Variants in MAP3K15 observed in about 807,000 individuals in gnomAD.
The protein encoded by MAP3K15 is MAPK/ERK kinase kinase 15.
Under a neutral mutation model 99.5 loss-of-function variants are expected in MAP3K15, and 124 were observed. The ratio of observed to expected loss-of-function variants is 1.25; its 90% CI spans 1.08 to 1.45. The LOEUF is 1.45. MAP3K15 is among the 40% of genes most tolerant of loss of function. The pLI, the probability that MAP3K15 is intolerant of heterozygous loss-of-function variation, is 0.00. For synonymous variants in MAP3K15, 494 were observed against 439.6 expected (o/e 1.12, Z -1.55); for missense variants, 1,242 against 1,079.7 (o/e 1.15, Z -2.11).
chrX:19,431,503 G>T lies in MAP3K15; in HGVS notation c.1101C>A (p.Ile367=). ...CTGAATCCAAGAAGATGTCCTTGTA[G>T]ATCCTCCCACACAGGCAGAACATGT... ...GPDMFCLCGR[I]YKDIFLDSDC... Residue 367 remains isoleucine, a synonymous_variant, in exon 7 of 29, where the codon ATC becomes ATA. Transcript: ENST00000338883. 1 of 1,200,292 alleles carries T rather than the reference G, an allele frequency of 8.3e-7. No homozygotes were observed. The highest frequency in any genetic ancestry group is 1.1e-6 in the Non-Finnish European group (1 of 895,011).
chrX:19,373,132 G>A lies in MAP3K15; in HGVS notation c.2934-305C>T, dbSNP rs192112815. 4.9e-3 allele frequency: 1,148 copies of A among 234,275 alleles called. 16 individuals carry two copies. Among genetic ancestry groups the A allele is most frequent in the African/African-American group, 0.034 (970 of 28,852 alleles). The allele number at this position is 234,275 out of a possible 1,213,427, so 19.3% of individuals were successfully genotyped here. A position where few individuals can be genotyped will look rare whatever the true frequency, so the allele number is the denominator to read the frequency against. ...TGAGGGAGGGAAGGTGAGGGGGACA[G>A]GGGAAGGAGGAAGAGAGAGGAAGGA... On this transcript the variant is annotated intron_variant, in intron 21 of 28. Transcript: ENST00000338883.
At chrX:19,435,883 G>A (rs2063917417) in intron 6 of MAP3K15, among the ~76,000 whole-genome samples, 1 of 112,533 alleles carries the variant, frequency 8.9e-6, no homozygotes, top group Non-Finnish European at 1.9e-5. Context: ...GCTGGGCGTG[G>A]TGGCTCACGC....
At position 19,372,777 on chromosome X, in the gene MAP3K15, G is replaced by A. The variant is rs140883351; in HGVS notation, c.2984C>T (p.Pro995Leu). The change falls in exon 22 of 29, where the codon CCG becomes CTG. Residue 995 changes from proline (P) to leucine (L), a missense_variant. Transcript: ENST00000338883. ...ALEDRGLASSPEDRDQGLFLL... is the reference protein window; with the variant it reads ...ALEDRGLASSLEDRDQGLFLL... Reference sequence around the variant, plus strand: ...GAAGAGGCCCTGGTCCCTGTCCTCCGGGGACGAGGCCAAGCCCCGGTCTTC... The same window carrying A: ...GAAGAGGCCCTGGTCCCTGTCCTCCAGGGACGAGGCCAAGCCCCGGTCTTC... 430 of 1,209,548 alleles carry A rather than the reference G, an allele frequency of 3.6e-4. No homozygotes were observed. Among genetic ancestry groups the A allele is most frequent in the Non-Finnish European group, 4.5e-4 (407 of 894,710 alleles).
intron 18 of MAP3K15, among the ~76,000 whole-genome samples, chrX:19,388,002 A>G (rs1397050125): frequency 1.8e-5 from 2 of 112,357 alleles, no homozygotes; most frequent in Non-Finnish European, 1.9e-5. Flanking sequence ...TAGTCAAGTA[A>G]CAACTTTCCC....
chrX:19,448,074 GCTTTTCT>G (rs1206425863), intron 6 of MAP3K15, among the ~76,000 whole-genome samples: 21 of 106,905 alleles, frequency 2.0e-4, no homozygotes, highest in African/African-American at 6.0e-4. Context: ...TGGAACTGTG[GCTTTTCT>G]CATTTGTTTG....
intron 21 of MAP3K15, chrX:19,373,294 G>T (rs191572072): frequency 5.5e-6 from 2 of 361,968 alleles, no homozygotes; most frequent in Non-Finnish European, 9.4e-6. Flanking sequence ...AGAGAGAAGG[G>T]AAGAGGAGAG....
In MAP3K15 at chrX:19,380,202, G is replaced by T. The variant is rs1293257563; in HGVS notation, c.2507C>A (p.Ser836Tyr). The change falls in exon 19 of 29, where the codon TCC (serine) becomes TAC (tyrosine). Residue 836 changes from serine (S) to tyrosine (Y), a missense_variant. Transcript: ENST00000338883. ...RGYGAPADIW[S>Y]LGCTIIEMAT... ...CATCTCAATGATGGTGCAGCCCAGG[G>T]ACCAGATATCGGCTGGGGCACCATA... 2 of 1,205,792 alleles carry T rather than the reference G, an allele frequency of 1.7e-6. No individual in the cohort carries two copies. Among genetic ancestry groups the T allele is most frequent in the East Asian group, 3.0e-5 (1 of 33,652 alleles).
intron 9 of MAP3K15, among the ~76,000 whole-genome samples, chrX:19,420,967 T>G (rs2063779296): frequency 9.0e-6 from 1 of 111,415 alleles, no homozygotes; most frequent in Non-Finnish European, 1.9e-5. Context: ...AAAAGGCCTT[T>G]GACAAAATTC....
intron 26 of MAP3K15, 105 bp from the exon 27 acceptor site, chrX:19,361,698 AAG>A (rs2063290344): frequency 3.6e-6 from 2 of 557,905 alleles, no homozygotes; most frequent in East Asian, 3.4e-5. Context: ...TGATGTGAAA[AAG>A]AGATGAATTA....
chrX:19,484,930 C>T (rs1203423252), intron 3 of MAP3K15, among the ~76,000 whole-genome samples: 1 of 111,629 alleles, frequency 9.0e-6, no homozygotes. Context: ...TACTTAGAGA[C>T]AGGGCTGCGG....
At chrX:19,498,990 G>T (rs191538775) in intron 1 of MAP3K15, among the ~76,000 whole-genome samples, 38 of 111,997 alleles carry the variant, frequency 3.4e-4, no homozygotes, top group Non-Finnish European at 6.0e-4. Context: ...TATGTACATG[G>T]AGAAGCTAGC....
intron 16 of MAP3K15, among the ~76,000 whole-genome samples, chrX:19,393,617 C>T (rs2063542529): frequency 9.4e-6 from 1 of 105,930 alleles, no homozygotes; most frequent in Non-Finnish European, 1.9e-5. Context: ...GCCTGGGCAA[C>T]AGACAGAGAG....
At position 19,360,556 on chromosome X, in the gene MAP3K15, A is replaced by C. The variant is rs1161984509; in HGVS notation, c.*193T>G. The C allele has an allele frequency of 2.7e-6, 1 of 374,771 alleles. No individual in the cohort carries two copies. The highest frequency in any genetic ancestry group is 4.6e-6 in the Non-Finnish European group (1 of 216,530). 30.9% of individuals were successfully genotyped at this position (374,771 alleles called of 1,213,427 possible). The stretch of plus-strand genomic sequence containing the variant: ...AAGGCTCACTGTTTTCACAATACAC[A>C]CAGTTCTATGTTTATAAATAACAGG... On this transcript the variant is annotated 3_prime_UTR_variant, in exon 29 of 29. Coordinates refer to ENST00000338883, the MANE Select transcript of MAP3K15 (RefSeq NM_001001671.4).
intron 14 of MAP3K15, among the ~76,000 whole-genome samples, chrX:19,399,710 G>A (rs1408110815): frequency 1.1e-5 from 1 of 87,670 alleles, no homozygotes; most frequent in African/African-American, 4.3e-5. Context: ...CTCCACTCCA[G>A]CCTCAGCAAC....
intron 9 of MAP3K15, among the ~76,000 whole-genome samples, chrX:19,420,935 A>G (rs745614178): frequency 1.3e-3 from 146 of 111,821 alleles, no homozygotes; most frequent in Non-Finnish European, 2.0e-3. Flanking sequence ...GAAAAACCAC[A>G]TGATTATCTC....
intron 6 of MAP3K15, among the ~76,000 whole-genome samples, chrX:19,450,707 A>G (rs1001989946): frequency 9.2e-6 from 1 of 109,276 alleles, no homozygotes; most frequent in African/African-American, 3.3e-5. Context: ...AAGTTAGTAA[A>G]TAAAGGAGGA....
chrX:19,422,323 C>A (rs2063794064), intron 9 of MAP3K15, among the ~76,000 whole-genome samples: 1 of 111,567 alleles, frequency 9.0e-6, no homozygotes, highest in Non-Finnish European at 1.9e-5. Flanking sequence ...TAAACTCCAA[C>A]AAATTTACAA....
At chrX:19,381,591 G>A (rs2063458511) in intron 18 of MAP3K15, among the ~76,000 whole-genome samples, 2 of 112,127 alleles carry the variant, frequency 1.8e-5, no homozygotes, top group African/African-American at 6.5e-5. Context: ...GCGGTCCGGG[G>A]AACAAGCGAT....
chrX:19,413,301 A>G, intron 11 of MAP3K15, 56 bp downstream of exon 11: 2 of 935,004 alleles, frequency 2.1e-6, no homozygotes, highest in African/African-American at 1.9e-5. Context: ...AAATACTACC[A>G]TCTAGACTCT....
Sources: gnomAD v4.1 joint callset for allele counts (sites outside exome capture counted in the v4.1 genomes callset) on GRCh38, gnomAD v4.1.1 for gene constraint, MANE v1.5 for transcripts, NCBI Gene and HGNC (gene_info 2026-07-23, HGNC 2026-07-21) for gene names.